TRAK1: variants seen among roughly 807,000 people sequenced by gnomAD.
TRAK1 encodes trafficking kinesin protein 1, also known as trafficking kinesin-binding protein 1.
Under a neutral mutation model 92.1 loss-of-function variants are expected in TRAK1, and 33 were observed. The ratio of observed to expected loss-of-function variants is 0.36; its 90% CI spans 0.27 to 0.48. TRAK1 has a LOEUF of 0.48. Among genes scored for constraint, TRAK1 ranks in the 20% least tolerant of loss-of-function variants. The pLI is 0.99. For missense variants in TRAK1, 1,123 were observed against 1,257.9 expected (o/e 0.89, Z 1.62); for synonymous variants, 521 against 517.3 (o/e 1.01, Z -0.10).
intron 10 of TRAK1, among the ~76,000 whole-genome samples, chr3:42,195,598 C>T (rs563069344): frequency 6.6e-6 from 1 of 152,156 alleles, no homozygotes; most frequent in Non-Finnish European, 1.5e-5. Context: ...ATACTATCCC[C>T]ATCCCCCACT....
chr3:42,062,206 G>C (rs996694238), intron 1 of TRAK1, among the ~76,000 whole-genome samples: 2 of 152,222 alleles, frequency 1.3e-5, no homozygotes, highest in African/African-American at 4.8e-5. Flanking sequence ...CAGGAGTACA[G>C]TGCTGCCTGT....
At chr3:42,129,162 A>G (rs1696864530) in intron 2 of TRAK1, among the ~76,000 whole-genome samples, 1 of 152,196 alleles carries the variant, frequency 6.6e-6, no homozygotes, top group Non-Finnish European at 1.5e-5. Flanking sequence ...TGTGCATGGT[A>G]TCCTTTTTGG....
intron 2 of TRAK1, among the ~76,000 whole-genome samples, chr3:42,175,958 A>G (rs550623113): frequency 1.3e-5 from 2 of 152,314 alleles, no homozygotes; most frequent in Admixed American, 6.5e-5. Context: ...TCCTCCCCCA[A>G]TAGAATAAAA....
chr3:42,149,250 C>CCAGTGCTGCTTTATTGG (rs1699674928), intron 2 of TRAK1: 4 of 1,310,206 alleles, frequency 3.1e-6, no homozygotes, highest in Non-Finnish European at 3.9e-6. Context: ...GGGCTGCTGT[C>CCAGTGCTGCTTTATTGG]CAGTGCTGCT....
intron 1 of TRAK1, among the ~76,000 whole-genome samples, chr3:42,035,453 C>T (rs927427958): frequency 4.6e-5 from 7 of 152,142 alleles, no homozygotes; most frequent in Non-Finnish European, 2.9e-5. Context: ...AAACGCTTCC[C>T]GGCTGACCAC....
chr3:42,206,940 C>G (rs1708398384), intron 13 of TRAK1, among the ~76,000 whole-genome samples: 1 of 152,160 alleles, frequency 6.6e-6, no homozygotes, highest in Non-Finnish European at 1.5e-5. Flanking sequence ...GGAGAAAGGC[C>G]TATGAGACTC....
intron 1 of TRAK1, among the ~76,000 whole-genome samples, chr3:42,093,220 CCTT>C (rs968236497): frequency 3.3e-5 from 5 of 149,482 alleles, no homozygotes; most frequent in East Asian, 1.9e-4. Context: ...TTTTTTTTCT[CCTT>C]CTCTTAGTGG....
intron 1 of TRAK1, among the ~76,000 whole-genome samples, chr3:42,019,649 A>C (rs1401034336): frequency 6.6e-6 from 1 of 152,086 alleles, no homozygotes; most frequent in Non-Finnish European, 1.5e-5. Context: ...TCAGTTTTTA[A>C]GTTTTGCAAA....
chr3:42,211,811 G>C lies in TRAK1; in HGVS notation c.1963+1826G>C, dbSNP rs551853554. 2.0e-5 allele frequency: 20 copies of C among 985,406 alleles called. No homozygotes were observed. In the South Asian group the frequency reaches 5.6e-4, roughly 28 times the overall value. The allele number at this position is 985,406 out of a possible 1,614,324, so 61.0% of individuals were successfully genotyped here. On this transcript the variant is annotated intron_variant, in intron 14 of 15. Transcript: ENST00000327628. ...GACATTTTTCTTGCTTGTTCTCTCT[G>C]TACTCAAACCTGTGGCAAATTCATC...
intron 13 of TRAK1, among the ~76,000 whole-genome samples, chr3:42,207,663 A>G (rs189259959): frequency 6.6e-6 from 1 of 152,278 alleles, no homozygotes. Flanking sequence ...AGGGAAGCTT[A>G]ATTTAAAAAA....
rs1440955334 is a variant in TRAK1, at chr3:42,223,446, C to G, written c.2571C>G (p.Asn857Lys). 1 of 1,614,090 alleles carries G rather than the reference C, an allele frequency of 6.2e-7. No individual in the cohort carries two copies. ...VRRFGVAKVVNSGRAHVPTLT... is the reference protein window; with the variant it reads ...VRRFGVAKVVKSGRAHVPTLT... ...GGTTTGGGGTGGCCAAAGTGGTGAA[C>G]TCAGGGCGAGCCCATGTCCCCACCT... The change falls in exon 16 of 16, where the codon AAC becomes AAG. Residue 857 changes from asparagine (N) to lysine (K), a missense_variant. Physicochemically the swap from Asn to Lys is moderately conservative, Grantham distance 94. Coordinates refer to ENST00000327628, the MANE Select transcript of TRAK1 (RefSeq NM_001042646.3). This position sits in a 1 kb window ranked among gnomAD's most constrained non-coding sequence, Gnocchi z 6.1.
At chr3:42,023,274 A>G (rs1333753819) in intron 1 of TRAK1, among the ~76,000 whole-genome samples, 3 of 152,118 alleles carry the variant, frequency 2.0e-5, no homozygotes, top group Admixed American at 1.3e-4. Context: ...AAAAGGCAGC[A>G]TGGCAGATTG....
chr3:42,047,435 C>T (rs929529478), intron 1 of TRAK1, among the ~76,000 whole-genome samples: 2 of 151,770 alleles, frequency 1.3e-5, no homozygotes, highest in African/African-American at 4.8e-5. Flanking sequence ...GAACTCCTGA[C>T]TTTAAGCCAC....
intron 1 of TRAK1, among the ~76,000 whole-genome samples, chr3:42,105,781 T>A (rs1404585072): frequency 6.6e-6 from 1 of 152,182 alleles, no homozygotes; most frequent in Non-Finnish European, 1.5e-5. Context: ...AAGGTCGGGT[T>A]ACCCACAAAG....
At chr3:42,022,721 TA>T (rs1278316179) in intron 1 of TRAK1, among the ~76,000 whole-genome samples, 123 of 45,804 alleles carry the variant, frequency 2.7e-3, no homozygotes, top group East Asian at 5.4e-3. Flanking sequence ...GACCCTGTTT[TA>T]AAAAAAAAAA....
At chr3:42,222,867 A>G (rs1577080977) in intron 15 of TRAK1, 75 bp from the exon 16 acceptor site, 1 of 1,525,200 alleles carries the variant, frequency 6.6e-7, no homozygotes, top group East Asian at 2.3e-5. Context: ...CCCCCCCTGC[A>G]GGAAACTGGC....
At chr3:42,129,983 A>G in intron 2 of TRAK1, among the ~76,000 whole-genome samples, 1 of 152,360 alleles carries the variant, frequency 6.6e-6, no homozygotes, top group Non-Finnish European at 1.5e-5. Context: ...TTATAAATAA[A>G]TAAAATATAT....
At chr3:42,110,758 A>C (rs1708280621) in intron 1 of TRAK1, among the ~76,000 whole-genome samples, 1 of 152,182 alleles carries the variant, frequency 6.6e-6, no homozygotes, top group Admixed American at 6.5e-5. Flanking sequence ...CATTTTGGCA[A>C]AAGCCCCAGG....
At chr3:42,070,516 C>T (rs567580625) in intron 1 of TRAK1, among the ~76,000 whole-genome samples, 1 of 152,188 alleles carries the variant, frequency 6.6e-6, no homozygotes, top group Admixed American at 6.5e-5. Context: ...CAGCCTTGAA[C>T]TCCTGGGCTA....
Sources: gnomAD v4.1 joint callset for allele counts (sites outside exome capture counted in the v4.1 genomes callset) on GRCh38, gnomAD v4.1.1 for gene constraint, Gnocchi (gnomAD v3.1) non-coding constraint, MANE v1.5 for transcripts, NCBI Gene and HGNC (gene_info 2026-07-23, HGNC 2026-07-21) for gene names.